The following MEGF11 variants were observed in gnomAD, a reference collection of about 807,000 sequenced individuals.
MEGF11 encodes the protein multiple EGF like domains 11.
In MEGF11, 126 loss-of-function variants were observed where a neutral mutation model predicts 146.6. That is an observed-to-expected ratio of 0.86 (90% CI 0.74 to 1.00). The LOEUF is 1.00. Ranked by LOEUF, MEGF11 falls within the 50% of genes least tolerant of loss-of-function variation. MEGF11 has a pLI of 0.00. For missense variants in MEGF11, 1,509 were observed against 1,521.2 expected, an observed-to-expected ratio of 0.99 and a Z score of 0.13; for synonymous variants, 532 against 583.4, an observed-to-expected ratio of 0.91 and a Z score of 1.27.
At chr15:66,234,095 C>T (rs971614493) in intron 1 of MEGF11, among the ~76,000 whole-genome samples, 8 of 152,006 alleles carry the variant, frequency 5.3e-5, no homozygotes, top group South Asian at 2.1e-4. Flanking sequence ...GACGGGGTTT[C>T]GCTGTGCTGG....
At chr15:65,966,229 C>T (rs1481440736) in intron 8 of MEGF11, among the ~76,000 whole-genome samples, 2 of 152,146 alleles carry the variant, frequency 1.3e-5, no homozygotes, top group African/African-American at 2.4e-5. Context: ...CTCTTGACCT[C>T]ATGATCCGCC....
chr15:66,050,598 G>C (rs1355103364), intron 5 of MEGF11, among the ~76,000 whole-genome samples: 2 of 152,238 alleles, frequency 1.3e-5, no homozygotes, highest in African/African-American at 4.8e-5. Flanking sequence ...CTTACCCTGA[G>C]TGTGATGGGA....
At chr15:66,196,883 A>G (rs995925310) in intron 1 of MEGF11, among the ~76,000 whole-genome samples, 4 of 152,302 alleles carry the variant, frequency 2.6e-5, no homozygotes, top group Non-Finnish European at 4.4e-5. Context: ...AAATAAACCA[A>G]TGGTGTTTGC....
chr15:66,114,111 C>A (rs1360725068), intron 4 of MEGF11, among the ~76,000 whole-genome samples: 1 of 152,172 alleles, frequency 6.6e-6, no homozygotes, highest in Non-Finnish European at 1.5e-5. Flanking sequence ...GCACACAGAA[C>A]CTGTCTCATA....
At chr15:66,133,748 G>T (rs2088764270) in intron 1 of MEGF11, among the ~76,000 whole-genome samples, 1 of 151,998 alleles carries the variant, frequency 6.6e-6, no homozygotes, top group African/African-American at 2.4e-5. Flanking sequence ...CAGGGGTTGG[G>T]TTTATGTTGA....
intron 1 of MEGF11, among the ~76,000 whole-genome samples, chr15:66,201,158 G>C (rs1228224680): frequency 6.6e-6 from 1 of 152,016 alleles, no homozygotes; most frequent in Non-Finnish European, 1.5e-5. Flanking sequence ...TGGGTAATTA[G>C]GTCCCGTAAT....
chr15:66,076,203 A>AGGAT lies in MEGF11; in HGVS notation c.394+18195_394+18198dup, dbSNP rs55758771. The stretch of plus-strand genomic sequence containing the variant: ...GGGATGAATGGTTGGACTGACAGAC[A>AGGAT]GGATGGATGGATGGATGGATGGATG... On this transcript the variant is annotated intron_variant, in intron 5 of 25. Coordinates refer to ENST00000395614, the MANE Select transcript of MEGF11 (RefSeq NM_001385028.1). 8.5e-3 allele frequency among the ~76,000 whole-genome samples: 1,271 copies of AGGAT among 148,786 alleles called. 8 individuals carry two copies. Among genetic ancestry groups the AGGAT allele is most frequent in the Middle Eastern group, 0.017 (5 of 292 alleles).
At chr15:66,021,337 C>G (rs901632812) in intron 5 of MEGF11, among the ~76,000 whole-genome samples, 1 of 152,216 alleles carries the variant, frequency 6.6e-6, no homozygotes, top group African/African-American at 2.4e-5. Flanking sequence ...GAGGGTTGGA[C>G]AATGTGAATT....
At chr15:66,062,092 G>T (rs1210678502) in intron 5 of MEGF11, among the ~76,000 whole-genome samples, 1 of 152,208 alleles carries the variant, frequency 6.6e-6, no homozygotes, top group Non-Finnish European at 1.5e-5. Context: ...GATCTGGGAA[G>T]GCCTCTCTGG....
At chr15:65,985,290 G>A (rs1203970480) in intron 5 of MEGF11, among the ~76,000 whole-genome samples, 1 of 152,152 alleles carries the variant, frequency 6.6e-6, no homozygotes, top group African/African-American at 2.4e-5. Context: ...CAGGTCTTTG[G>A]GACACTTTCT....
intron 5 of MEGF11, among the ~76,000 whole-genome samples, chr15:65,994,167 A>G (rs971213955): frequency 2.0e-5 from 3 of 152,234 alleles, no homozygotes; most frequent in Non-Finnish European, 4.4e-5. Flanking sequence ...TCTGTGTTTA[A>G]TTCCTCTCAC....
chr15:65,912,011 C>T, intron 21 of MEGF11, 71 bp downstream of exon 21: 1 of 901,716 alleles, frequency 1.1e-6, no homozygotes, highest in South Asian at 5.7e-5. Context: ...GCGTGCAGTT[C>T]CTTCCTGGGC....
intron 10 of MEGF11, among the ~76,000 whole-genome samples, chr15:65,947,823 CAG>C (rs1416748732): frequency 1.3e-5 from 2 of 152,220 alleles, no homozygotes; most frequent in Non-Finnish European, 2.9e-5. Context: ...TTTTGCTGCA[CAG>C]AGATTGCTGC....
At chr15:66,028,231 C>A (rs1241284043) in intron 5 of MEGF11, among the ~76,000 whole-genome samples, 1 of 152,206 alleles carries the variant, frequency 6.6e-6, no homozygotes, top group Admixed American at 6.5e-5. Flanking sequence ...CCTGCAGCAC[C>A]CAGCACAGAC....
intron 10 of MEGF11, among the ~76,000 whole-genome samples, chr15:65,945,520 A>G (rs556651510): frequency 2.4e-4 from 36 of 152,250 alleles, no homozygotes; most frequent in African/African-American, 8.4e-4. Context: ...GATGCCCCAG[A>G]GACTATGTAA....
intron 2 of MEGF11, among the ~76,000 whole-genome samples, chr15:66,125,149 A>G (rs770172903): frequency 7.9e-5 from 12 of 152,202 alleles, no homozygotes; most frequent in Non-Finnish European, 1.8e-4. Flanking sequence ...AAAGCAGTCA[A>G]CAATGCTCAG....
intron 9 of MEGF11, among the ~76,000 whole-genome samples, chr15:65,963,901 A>AG (rs2080961842): frequency 6.6e-6 from 1 of 152,204 alleles, no homozygotes; most frequent in African/African-American, 2.4e-5. Context: ...GGAAATGAAG[A>AG]GGGGCCCAGG....
chr15:66,220,522 T>C (rs528705507), intron 1 of MEGF11, among the ~76,000 whole-genome samples: 3 of 89,652 alleles, frequency 3.3e-5, no homozygotes, highest in African/African-American at 1.5e-4. Flanking sequence ...GGAGGTTTCG[T>C]TGGGTTTTTT....
intron 8 of MEGF11, among the ~76,000 whole-genome samples, chr15:65,965,621 T>TCTTTCTTTCTTTC (rs2081062250): frequency 1.5e-5 from 2 of 136,060 alleles, no homozygotes; most frequent in Non-Finnish European, 3.2e-5. Flanking sequence ...TTCTTTTTTT[T>TCTTTCTTTCTTTC]TTTTTTGGCT....
Sources: gnomAD v4.1 joint callset for allele counts (sites outside exome capture counted in the v4.1 genomes callset) on GRCh38, gnomAD v4.1.1 for gene constraint, MANE v1.5 for transcripts, NCBI Gene and HGNC (gene_info 2026-07-23, HGNC 2026-07-21) for gene names.